The following VIPR2 variants were observed in gnomAD, a reference collection of about 807,000 sequenced individuals.
VIPR2 encodes vasoactive intestinal polypeptide receptor 2.
A neutral mutation model predicts 58.0 loss-of-function variants in VIPR2; 48 were observed. The ratio of observed to expected loss-of-function variants is 0.83; its 90% CI spans 0.66 to 1.05. The LOEUF (loss-of-function observed/expected upper bound fraction) is 1.05. VIPR2 is among the 50% of genes least tolerant of loss of function. The pLI is 0.00. For missense variants in VIPR2, 534 were observed against 558.0 expected (o/e 0.96, Z 0.43); for synonymous variants, 243 against 235.2 (o/e 1.03, Z -0.30).
At position 159,097,830 on chromosome 7, in the gene VIPR2, C is replaced by T. The variant is rs1042104728; in HGVS notation, c.357+5927G>A. Among the ~76,000 whole-genome samples, 6 of 152,172 alleles carry T rather than the reference C, an allele frequency of 3.9e-5. No individual in the cohort carries two copies. Among genetic ancestry groups the T allele is most frequent in the Non-Finnish European group, 5.9e-5 (4 of 68,034 alleles). On this transcript the variant is annotated intron_variant, in intron 4 of 12. Coordinates refer to ENST00000262178, the MANE Select transcript of VIPR2 (RefSeq NM_003382.5). The surrounding 1 kb of genome is among the most constrained non-coding windows in gnomAD (Gnocchi z 5.3). Reference sequence around the variant, plus strand: ...GGCAACAGGGCTTTGTGCAAAGTCACTCAGCCATCGGTGAGTGACAGCTGG... The same window carrying T: ...GGCAACAGGGCTTTGTGCAAAGTCATTCAGCCATCGGTGAGTGACAGCTGG...
At position 159,083,886 on chromosome 7, in the gene VIPR2, G is replaced by C. The variant is rs1029016805; in HGVS notation, c.357+19871C>G. On this transcript the variant is annotated intron_variant, in intron 4 of 12. Transcript: ENST00000262178. ...CCAGGGGGCTCCTGACTCTGCGTCT[G>C]CTGCAGGCAGTGTCTGGGCTGGTGC... is the stretch of plus-strand genomic sequence containing the variant. 3.9e-5 allele frequency among the ~76,000 whole-genome samples: 6 copies of C among 152,326 alleles called. No homozygotes were observed. In the East Asian group the frequency reaches 1.2e-3, roughly 29 times the overall value.
At chr7:159,063,944 G>T (rs1466304466) in intron 4 of VIPR2, among the ~76,000 whole-genome samples, 6 of 113,028 alleles carry the variant, frequency 5.3e-5, no homozygotes, top group South Asian at 3.5e-4. Context: ...GATCTGGGGG[G>T]CCTGGCGGGG....
chr7:159,056,432 C>G (rs903024018), intron 5 of VIPR2, among the ~76,000 whole-genome samples: 25 of 152,250 alleles, frequency 1.6e-4, no homozygotes, highest in African/African-American at 6.0e-4. Context: ...AGAAGTGGAC[C>G]ATGCAGTTCA....
At position 159,043,091 on chromosome 7, in the gene VIPR2, C is replaced by T. The variant is rs1284299494; in HGVS notation, c.541G>A (p.Asp181Asn). 6 of 1,613,986 alleles carry T rather than the reference C, an allele frequency of 3.7e-6. No homozygotes were observed. The highest frequency in any genetic ancestry group is 1.7e-5 in the Admixed American group (1 of 59,986). ...LRAISVLVKD[D>N]VLYSSSGTLH... Reference sequence around the variant, plus strand: ...GTGCCAGAGCTGGAGTAGAGAACGTCGTCCTTGACCAGCACTGAGATGGCT... The same window carrying T: ...GTGCCAGAGCTGGAGTAGAGAACGTTGTCCTTGACCAGCACTGAGATGGCT... Residue 181 changes from aspartate to asparagine, a missense_variant, in exon 6 of 13, where the codon GAC becomes AAC. Asp to Asn is a conservative substitution (Grantham distance 23). Around this residue, in one of 3 missense-constraint regions of VIPR2, gnomAD observed 224 missense variants for 255.7 expected, o/e 0.88. Coordinates refer to ENST00000262178, the MANE Select transcript of VIPR2 (RefSeq NM_003382.5).
At chr7:159,091,909 C>A (rs1434804595) in intron 4 of VIPR2, among the ~76,000 whole-genome samples, 4 of 152,184 alleles carry the variant, frequency 2.6e-5, no homozygotes, top group African/African-American at 9.7e-5. Flanking sequence ...GGGCAGATCG[C>A]CTGAGGCCAG....
intron 2 of VIPR2, among the ~76,000 whole-genome samples, chr7:159,136,982 G>T (rs1268304064): frequency 6.6e-6 from 1 of 152,114 alleles, no homozygotes; most frequent in African/African-American, 2.4e-5. Context: ...CAAGGGAGGG[G>T]AGTGGAGAAG....
chr7:159,074,847 C>T (rs1158483571), intron 4 of VIPR2, among the ~76,000 whole-genome samples: 1 of 151,906 alleles, frequency 6.6e-6, no homozygotes, highest in African/African-American at 2.4e-5. Flanking sequence ...AAACAAAAAC[C>T]CAGATAAAAA....
In VIPR2 at chr7:159,127,290, A is replaced by G. The variant is rs887929347; in HGVS notation, c.151+15156T>C. Among the ~76,000 whole-genome samples the G allele has an allele frequency of 1.3e-5, 2 of 152,204 alleles. No homozygotes were observed. The highest frequency in any genetic ancestry group is 6.5e-5 in the Admixed American group (1 of 15,282). Reference sequence around the variant, plus strand: ...AAACTGGATCACAGCAGAATTCTGAATTTCAGAAACAGCGGTTTGATTCTG... The same window carrying G: ...AAACTGGATCACAGCAGAATTCTGAGTTTCAGAAACAGCGGTTTGATTCTG... On this transcript the variant is annotated intron_variant, in intron 2 of 12. Transcript: ENST00000262178. This position sits in a 1 kb window ranked among gnomAD's most constrained non-coding sequence, Gnocchi z 4.6.
At chr7:159,048,605 C>T (rs1247607397) in intron 5 of VIPR2, among the ~76,000 whole-genome samples, 1 of 152,222 alleles carries the variant, frequency 6.6e-6, no homozygotes, top group Non-Finnish European at 1.5e-5. Context: ...ATACTGATTA[C>T]ATATTGAAGT....
At chr7:159,122,388 C>T (rs748094329) in intron 2 of VIPR2, among the ~76,000 whole-genome samples, 18 of 152,232 alleles carry the variant, frequency 1.2e-4, no homozygotes, top group Non-Finnish European at 2.5e-4. Flanking sequence ...AGTGTGCTCC[C>T]ATCGGAATCT....
intron 4 of VIPR2, among the ~76,000 whole-genome samples, chr7:159,087,947 AC>A (rs1475421830): frequency 3.9e-5 from 6 of 152,236 alleles, no homozygotes; most frequent in African/African-American, 7.2e-5. Context: ...TGCTTCCCAA[AC>A]AAACAATACC....
At chr7:159,090,875 C>G (rs1585465179) in intron 4 of VIPR2, among the ~76,000 whole-genome samples, 2 of 118,746 alleles carry the variant, frequency 1.7e-5, no homozygotes, top group Admixed American at 8.4e-5. Context: ...TCAGCAGAGA[C>G]ACACTGGGAT....
At chr7:159,062,665 C>G (rs568865217) in intron 4 of VIPR2, among the ~76,000 whole-genome samples, 3 of 150,334 alleles carry the variant, frequency 2.0e-5, no homozygotes, top group Admixed American at 6.7e-5. Context: ...AAAGAACAAG[C>G]AGCAGCAAGA....
intron 6 of VIPR2, among the ~76,000 whole-genome samples, chr7:159,039,697 A>G (rs1392080764): frequency 6.6e-6 from 1 of 152,108 alleles, no homozygotes; most frequent in East Asian, 1.9e-4. Flanking sequence ...GTCAGACCCG[A>G]ATCTGGTGGT....
At position 159,096,099 on chromosome 7, in the gene VIPR2, C is replaced by T. The variant is rs941298531; in HGVS notation, c.357+7658G>A. Among the ~76,000 whole-genome samples, 7 of 152,150 alleles carry T rather than the reference C, an allele frequency of 4.6e-5. No homozygotes were observed. Among genetic ancestry groups the T allele is most frequent in the African/African-American group, 9.7e-5 (4 of 41,426 alleles). On this transcript the variant is annotated intron_variant, in intron 4 of 12. Transcript: ENST00000262178. The surrounding 1 kb of genome is among the most constrained non-coding windows in gnomAD (Gnocchi z 5.5). ...CTGGGTGCCCAAGCTGAACATCTGC[C>T]GCCCACATACAGACCTCCCCTTAAG...
In VIPR2 at chr7:159,086,420, T is replaced by G. The variant is rs577639301; in HGVS notation, c.357+17337A>C. Among the ~76,000 whole-genome samples, 4 of 152,280 alleles carry G rather than the reference T, an allele frequency of 2.6e-5. No homozygotes were observed. In the South Asian group the frequency reaches 8.3e-4, roughly 32 times the overall value. The stretch of plus-strand genomic sequence containing the variant: ...TAACATCCCGGAATCTGAGGTAAGC[T>G]GAAAAGGCCTTCCCAAAGCAAAAGC... On this transcript the variant is annotated intron_variant, in intron 4 of 12. Coordinates refer to ENST00000262178, the MANE Select transcript of VIPR2 (RefSeq NM_003382.5).
chr7:159,050,418 A>G (rs2730264), intron 5 of VIPR2, among the ~76,000 whole-genome samples: 107,637 of 150,432 alleles, frequency 0.72, 39,560 homozygotes, highest in Middle Eastern at 0.81. Flanking sequence ...TAGTGTTTTA[A>G]GACATGGACT....
At chr7:159,144,351 C>T in intron 1 of VIPR2, 1 of 1,538,272 alleles carries the variant, frequency 6.5e-7, no homozygotes, top group Non-Finnish European at 8.8e-7. Context: ...CAACCCCGAT[C>T]TCCCCGTGAA....
In VIPR2 at chr7:159,095,630, G is replaced by GTAATTA. The variant is rs1857782023; in HGVS notation, c.357+8126_357+8127insTAATTA. ...ATAGAGCAAAAGGACTATTAAGAGG[G>GTAATTA]AGAACAGGAGTGTCACCGGAAGCCC... On this transcript the variant is annotated intron_variant, in intron 4 of 12. Transcript: ENST00000262178. This position sits in a 1 kb window ranked among gnomAD's most constrained non-coding sequence, Gnocchi z 5.2. Among the ~76,000 whole-genome samples the GTAATTA allele has an allele frequency of 2.0e-5, 3 of 152,078 alleles. No individual in the cohort carries two copies. The highest frequency in any genetic ancestry group is 4.4e-5 in the Non-Finnish European group (3 of 68,026).
Sources: allele counts gnomAD v4.1 joint callset (sites outside exome capture counted in the v4.1 genomes callset), GRCh38; gene constraint gnomAD v4.1.1; regional missense constraint gnomAD v4.1.1; non-coding constraint Gnocchi (gnomAD v3.1); transcripts MANE v1.5; gene names NCBI Gene and HGNC (gene_info 2026-07-23, HGNC 2026-07-21).